JPH1: variants seen among roughly 807,000 people sequenced by gnomAD.
The protein encoded by JPH1 is junctophilin-1.
In JPH1, 12 loss-of-function variants were observed where a neutral mutation model predicts 53.6. The ratio of observed to expected loss-of-function variants is 0.22; its 90% CI spans 0.14 to 0.36. JPH1 has a LOEUF of 0.36. Among genes scored for constraint, JPH1 ranks in the 10% least tolerant of loss-of-function variants. The probability of loss-of-function intolerance (pLI) is 1.00; values close to 1 mark genes in which losing one functional copy is unlikely to be tolerated. For synonymous variants in JPH1, 375 were observed against 363.8 expected (o/e 1.03, Z -0.35); for missense variants, 808 against 905.5 (o/e 0.89, Z 1.38).
At chr8:74,298,619 T>A (rs1290757335) in intron 2 of JPH1, among the ~76,000 whole-genome samples, 1 of 152,164 alleles carries the variant, frequency 6.6e-6, no homozygotes, top group African/African-American at 2.4e-5. Flanking sequence ...TTGCCATGAC[T>A]CAGCTGTACT....
chr8:74,316,644 A>T (rs1354916865), intron 1 of JPH1, among the ~76,000 whole-genome samples: 1 of 152,248 alleles, frequency 6.6e-6, no homozygotes, highest in African/African-American at 2.4e-5. Context: ...GAGGAAAGGT[A>T]TATTTGACAC....
chr8:74,315,704 C>T lies in JPH1; in HGVS notation c.380-84G>A. The T allele has an allele frequency of 7.4e-7, 1 of 1,352,350 alleles. No individual in the cohort carries two copies. The highest frequency in any genetic ancestry group is 9.9e-7 in the Non-Finnish European group (1 of 1,013,380). The allele number at this position is 1,352,350 out of a possible 1,614,324, so 83.8% of individuals were successfully genotyped here. Reference sequence around the variant, plus strand: ...ACCATCCAGCGCACACTGGCGCAGGCCTGCCCAAGGTCAAATCTGACCCAT... The same window carrying T: ...ACCATCCAGCGCACACTGGCGCAGGTCTGCCCAAGGTCAAATCTGACCCAT... On this transcript the variant is annotated intron_variant, in intron 1 of 5. Coordinates refer to ENST00000342232, the MANE Select transcript of JPH1 (RefSeq NM_020647.4). The surrounding 1 kb of genome is among the most constrained non-coding windows in gnomAD (Gnocchi z 6.3).
chr8:74,257,606 T>C (rs767241025), intron 3 of JPH1, among the ~76,000 whole-genome samples: 1 of 152,200 alleles, frequency 6.6e-6, no homozygotes, highest in Non-Finnish European at 1.5e-5. Context: ...TTCCCAGCTC[T>C]CACGCCCTGG....
rs551240635 is a variant in JPH1 at position 74,289,367 on chromosome 8, C to T, written c.1139+25494G>A. Among the ~76,000 whole-genome samples the T allele has an allele frequency of 3.9e-5, 6 of 152,258 alleles. No homozygotes were observed. The South Asian group carries it at 6.2e-4, about 16-fold the overall frequency. On this transcript the variant is annotated intron_variant, in intron 2 of 5. Transcript: ENST00000342232. ...GTAACACCACCTTAGCGAGAACAGA[C>T]GGGCTAACATATTAATAATGGTGAT... is the stretch of plus-strand genomic sequence containing the variant.
intron 4 of JPH1, among the ~76,000 whole-genome samples, chr8:74,243,049 A>G (rs536186849): frequency 2.0e-5 from 3 of 152,322 alleles, no homozygotes; most frequent in Admixed American, 1.3e-4. Flanking sequence ...GAAGTCAACT[A>G]AAGCCCACAA....
rs964429252 is a variant in JPH1 at position 74,315,767 on chromosome 8, G to A, written c.380-147C>T. 4 of 705,912 alleles carry A rather than the reference G, an allele frequency of 5.7e-6. No individual in the cohort carries two copies. The highest frequency in any genetic ancestry group is 8.7e-6 in the Non-Finnish European group (4 of 459,782). 43.7% of individuals were successfully genotyped at this position (705,912 alleles called of 1,614,324 possible). On this transcript the variant is annotated intron_variant, in intron 1 of 5. Coordinates refer to ENST00000342232, the MANE Select transcript of JPH1 (RefSeq NM_020647.4). The surrounding 1 kb of genome is among the most constrained non-coding windows in gnomAD (Gnocchi z 6.3). ...CCTGGGGGATACTTTGCATCCACTT[G>A]TGAATCCCCGCCCTGTAATTTTGGG...
At chr8:74,254,939 G>T (rs534942549) in intron 3 of JPH1, among the ~76,000 whole-genome samples, 1 of 152,298 alleles carries the variant, frequency 6.6e-6, no homozygotes, top group South Asian at 2.1e-4. Context: ...TGGGTAGGAA[G>T]AATCAATATC....
chr8:74,235,120 A>G lies in JPH1; in HGVS notation c.*1931T>C, dbSNP rs1024993016. 2 of 152,260 alleles carry G rather than the reference A, an allele frequency of 1.3e-5. No individual in the cohort carries two copies. Among genetic ancestry groups the G allele is most frequent in the Non-Finnish European group, 2.9e-5 (2 of 68,024 alleles). The allele number at this position is 152,260 out of a possible 1,614,324, so 9.4% of individuals were successfully genotyped here. ...TTAAATGAACACTTAATAAGATTAA[A>G]TATTTTATTATTATTTTTTTAAAAA... On this transcript the variant is annotated 3_prime_UTR_variant, in exon 6 of 6. Coordinates refer to ENST00000342232, the MANE Select transcript of JPH1 (RefSeq NM_020647.4).
intron 2 of JPH1, among the ~76,000 whole-genome samples, chr8:74,299,380 G>C (rs937083793): frequency 6.6e-6 from 1 of 152,018 alleles, no homozygotes; most frequent in African/African-American, 2.4e-5. Context: ...TGCACACCAC[G>C]AACTATAACC....
At position 74,289,790 on chromosome 8, in the gene JPH1, A is replaced by C. The variant is rs1807271143; in HGVS notation, c.1139+25071T>G. ...AGTTTTTAGCATGAAGGGCTGCTGA[A>C]TCTTGTTGAAGGCCTTTTCTGCATC... On this transcript the variant is annotated intron_variant, in intron 2 of 5. Transcript: ENST00000342232. Among the ~76,000 whole-genome samples the C allele has an allele frequency of 2.0e-5, 3 of 152,324 alleles. No individual in the cohort carries two copies. The South Asian group carries it at 6.2e-4, about 32-fold the overall frequency.
intron 4 of JPH1, among the ~76,000 whole-genome samples, chr8:74,243,245 C>A (rs1805749279): frequency 6.6e-6 from 1 of 152,160 alleles, no homozygotes; most frequent in Non-Finnish European, 1.5e-5. Flanking sequence ...GTTGTAATGT[C>A]AAGATACTGT....
chr8:74,255,128 T>C (rs1408333234), intron 3 of JPH1, among the ~76,000 whole-genome samples: 1 of 152,144 alleles, frequency 6.6e-6, no homozygotes, highest in African/African-American at 2.4e-5. Context: ...GGCATCACGC[T>C]ACCTGACTTC....
chr8:74,259,335 A>T, intron 3 of JPH1, 50 bp downstream of exon 3: 1 of 1,357,668 alleles, frequency 7.4e-7, no homozygotes, highest in Non-Finnish European at 1.0e-6. Flanking sequence ...AAATAAAAGC[A>T]AGCCAAAGCC....
intron 2 of JPH1, among the ~76,000 whole-genome samples, chr8:74,296,538 G>A (rs544868956): frequency 6.6e-6 from 1 of 152,276 alleles, no homozygotes; most frequent in Non-Finnish European, 1.5e-5. Flanking sequence ...TCATAGTGAT[G>A]CAATGAATGG....
intron 3 of JPH1, among the ~76,000 whole-genome samples, chr8:74,248,741 T>G (rs74676889): frequency 1.6e-3 from 245 of 152,346 alleles, no homozygotes; most frequent in African/African-American, 5.3e-3. Context: ...CAGAAGTTTT[T>G]CCTGGACTAT....
At chr8:74,269,318 T>C (rs1277085175) in intron 2 of JPH1, among the ~76,000 whole-genome samples, 1 of 152,230 alleles carries the variant, frequency 6.6e-6, no homozygotes, top group Non-Finnish European at 1.5e-5. Context: ...ACAGAATTTA[T>C]GAGAGAACTG....
intron 3 of JPH1, among the ~76,000 whole-genome samples, chr8:74,251,626 T>A (rs562003740): frequency 1.4e-4 from 21 of 152,330 alleles, no homozygotes; most frequent in African/African-American, 4.8e-4. Flanking sequence ...TATTATTTTA[T>A]TTAAAATTTT....
intron 2 of JPH1, among the ~76,000 whole-genome samples, chr8:74,260,258 G>A (rs140330671): frequency 1.5e-4 from 23 of 152,282 alleles, no homozygotes; most frequent in African/African-American, 2.4e-4. Context: ...GTCTTCCATC[G>A]CCTCCCTGGC....
chr8:74,270,799 G>T (rs893943235), intron 2 of JPH1, among the ~76,000 whole-genome samples: 1 of 152,080 alleles, frequency 6.6e-6, no homozygotes, highest in African/African-American at 2.4e-5. Flanking sequence ...TATAGGACTT[G>T]GGATATTCCT....
Sources: allele counts gnomAD v4.1 joint callset (sites outside exome capture counted in the v4.1 genomes callset), GRCh38; gene constraint gnomAD v4.1.1; non-coding constraint Gnocchi (gnomAD v3.1); transcripts MANE v1.5; gene names NCBI Gene and HGNC (gene_info 2026-07-23, HGNC 2026-07-21).